The following CNTN6 variants were observed in gnomAD, a reference collection of about 807,000 sequenced individuals.
CNTN6 encodes the protein contactin-6.
In CNTN6, 137 loss-of-function variants were observed where a neutral mutation model predicts 122.8. The ratio of observed to expected loss-of-function variants is 1.12; its 90% CI spans 0.97 to 1.29. The LOEUF (loss-of-function observed/expected upper bound fraction) is 1.29. Among genes scored for constraint, CNTN6 ranks in the 50% most tolerant of loss-of-function variants. The pLI is 0.00. For missense variants in CNTN6, 1,634 were observed against 1,223.4 expected (o/e 1.34, Z -5.01); for synonymous variants, 570 against 426.0 (o/e 1.34, Z -4.16).
At position 1,256,766 on chromosome 3, in the gene CNTN6, T is replaced by A. The variant is rs1172989020; in HGVS notation, c.359-21647T>A. Among the ~76,000 whole-genome samples, 3 of 152,280 alleles carry A rather than the reference T, an allele frequency of 2.0e-5. No individual in the cohort carries two copies. In the East Asian group the frequency reaches 5.8e-4, roughly 29 times the overall value. On this transcript the variant is annotated intron_variant, in intron 4 of 22. Coordinates refer to ENST00000446702, the MANE Select transcript of CNTN6 (RefSeq NM_001289080.2). The stretch of plus-strand genomic sequence containing the variant: ...AATGGCTACATATCATCTGATTATA[T>A]GTCTTTACCATAATTATTCTAAATA...
chr3:1,227,285 T>A (rs893508662), intron 3 of CNTN6, among the ~76,000 whole-genome samples: 3 of 152,238 alleles, frequency 2.0e-5, no homozygotes, highest in African/African-American at 7.2e-5. Flanking sequence ...ATTTTCAACA[T>A]GATTAATTTT....
Position 1,325,830 on chromosome 3 carries a change from A to T in CNTN6, c.962A>T (p.Glu321Val), listed in dbSNP as rs764802845. The change falls in exon 9 of 23, where the codon GAA becomes GTA. Residue 321 changes from glutamate to valine, a missense_variant. Transcript: ENST00000446702. ...QLIFYAPPEW[E>V]QKIQNTHLSI... ...TTTGAAACAGCTCCTCCAGAATGGG[A>T]ACAGAAAATCCAAAATACACACCTC... 1.9e-6 allele frequency: 3 copies of T among 1,610,010 alleles called. No homozygotes were observed. Among genetic ancestry groups the T allele is most frequent in the Admixed American group, 3.4e-5 (2 of 59,438 alleles).
intron 4 of CNTN6, among the ~76,000 whole-genome samples, chr3:1,278,167 A>G (rs559908468): frequency 2.6e-5 from 4 of 152,348 alleles, no homozygotes; most frequent in Admixed American, 6.5e-5. Context: ...GTCTGGAAGA[A>G]TAAAAGCAAA....
chr3:1,193,202 T>C (rs908020342), intron 2 of CNTN6, among the ~76,000 whole-genome samples: 2 of 152,182 alleles, frequency 1.3e-5, no homozygotes, highest in Non-Finnish European at 1.5e-5. Flanking sequence ...TTGTTTTAAA[T>C]AACTTTTACG....
chr3:1,105,525 A>G (rs1360479942), intron 1 of CNTN6, among the ~76,000 whole-genome samples: 2 of 152,204 alleles, frequency 1.3e-5, no homozygotes, highest in Non-Finnish European at 2.9e-5. Context: ...TCAGTTTTCA[A>G]ATGTACACAG....
chr3:1,201,816 G>A lies in CNTN6; in HGVS notation c.56-18871G>A, dbSNP rs1440732311. Among the ~76,000 whole-genome samples, 9 of 151,946 alleles carry A rather than the reference G, an allele frequency of 5.9e-5. No individual in the cohort carries two copies. In the East Asian group the frequency reaches 1.7e-3, roughly 29 times the overall value. ...TTCCATTAAAAATAAAAATTCACAA[G>A]GACAAATTAATAGCATAGAAATTCC... On this transcript the variant is annotated intron_variant, in intron 2 of 22. Coordinates refer to ENST00000446702, the MANE Select transcript of CNTN6 (RefSeq NM_001289080.2).
chr3:1,266,019 TG>T (rs1201994117), intron 4 of CNTN6, among the ~76,000 whole-genome samples: 2 of 150,714 alleles, frequency 1.3e-5, no homozygotes, highest in African/African-American at 5.0e-5. Context: ...AAGTTAAAGG[TG>T]TTTTTTTTTT....
chr3:1,325,589 A>C (rs959970894), intron 8 of CNTN6, among the ~76,000 whole-genome samples: 7 of 151,862 alleles, frequency 4.6e-5, no homozygotes, highest in African/African-American at 1.7e-4. Context: ...GCAAAATGAC[A>C]GATGACAAAC....
intron 4 of CNTN6, among the ~76,000 whole-genome samples, chr3:1,245,277 ACAC>A (rs1424862201): frequency 2.2e-4 from 1 of 4,616 alleles, no homozygotes. Context: ...ATATATATAC[ACAC>A]ACATATATAT....
intron 4 of CNTN6, among the ~76,000 whole-genome samples, chr3:1,229,534 A>T (rs905535865): frequency 1.3e-5 from 2 of 152,104 alleles, no homozygotes; most frequent in East Asian, 3.9e-4. Flanking sequence ...AAATCAATGC[A>T]CTCTTTGATA....
chr3:1,216,443 C>A (rs2094131786), intron 2 of CNTN6, among the ~76,000 whole-genome samples: 1 of 151,906 alleles, frequency 6.6e-6, no homozygotes, highest in Admixed American at 6.6e-5. Context: ...TGTTCCTTTT[C>A]TTTTCAGGCA....
chr3:1,385,478 G>T, intron 19 of CNTN6, 133 bp from the exon 20 acceptor site: 1 of 598,834 alleles, frequency 1.7e-6, no homozygotes, highest in South Asian at 3.6e-5. Context: ...ATTTTAATTA[G>T]AAAACGTTTT....
chr3:1,295,676 A>G lies in CNTN6; in HGVS notation c.530A>G (p.Glu177Gly). ...GACAATAGGCGATTTGTATCTCAAG[A>G]GACGGGAAACTTGTACATTGCCAAA... ...QEDNRRFVSQ[E>G]TGNLYIAKVE... is the part of the protein sequence containing the mutation. Residue 177 changes from glutamate to glycine, a missense_variant, in exon 6 of 23, where the codon GAG becomes GGG. Transcript: ENST00000446702. 6.2e-7 allele frequency: 1 copy of G among 1,614,032 alleles called. No individual in the cohort carries two copies. Among genetic ancestry groups the G allele is most frequent in the Non-Finnish European group, 8.5e-7 (1 of 1,179,946 alleles).
At chr3:1,241,044 TC>T (rs1183168865) in intron 4 of CNTN6, among the ~76,000 whole-genome samples, 1 of 151,926 alleles carries the variant, frequency 6.6e-6, no homozygotes, top group African/African-American at 2.4e-5. Context: ...CAAAGTACCT[TC>T]TTAAGGGTGG....
chr3:1,307,630 G>T (rs580343), intron 7 of CNTN6, among the ~76,000 whole-genome samples: 41,983 of 151,940 alleles, frequency 0.28, 8,939 homozygotes, highest in African/African-American at 0.6. Context: ...ATTCCATCCA[G>T]AATACCATAT....
intron 2 of CNTN6, among the ~76,000 whole-genome samples, chr3:1,166,688 G>A (rs991203923): frequency 7.9e-5 from 12 of 152,222 alleles, no homozygotes; most frequent in East Asian, 1.9e-4. Flanking sequence ...ATACACCACA[G>A]AATACTATGC....
At chr3:1,324,344 G>A (rs746208681) in intron 8 of CNTN6, among the ~76,000 whole-genome samples, 3 of 149,654 alleles carry the variant, frequency 2.0e-5, no homozygotes, top group African/African-American at 5.1e-5. Flanking sequence ...GCACAATTTC[G>A]AATCCTCTCG....
At chr3:1,147,884 T>C in intron 1 of CNTN6, 43 bp from the exon 2 acceptor site, 2 of 628,952 alleles carry the variant, frequency 3.2e-6, no homozygotes, top group East Asian at 5.2e-5. Flanking sequence ...AAAATATTCG[T>C]GTTTGTACGT....
rs1695846475 is a variant in CNTN6 at position 1,402,449 on chromosome 3, A to C, written c.2949A>C (p.Gly983=). Residue 983 remains glycine, a synonymous_variant, in exon 22 of 23, where the codon GGA becomes GGC. Transcript: ENST00000446702. ...EIRTVSDGGD[G]SSSEEIRIPK... Reference sequence around the variant, plus strand: ...GAACAGTCAGTGATGGTGGAGATGGAAGCAGCAGTGAGGAAATTAGGATTC... The same window carrying C: ...GAACAGTCAGTGATGGTGGAGATGGCAGCAGCAGTGAGGAAATTAGGATTC... The C allele has an allele frequency of 6.2e-7, 1 of 1,611,406 alleles. No individual in the cohort carries two copies. The highest frequency in any genetic ancestry group is 2.2e-5 in the East Asian group (1 of 44,816).
Sources: gnomAD v4.1 joint callset for allele counts (sites outside exome capture counted in the v4.1 genomes callset) on GRCh38, gnomAD v4.1.1 for gene constraint, MANE v1.5 for transcripts, NCBI Gene and HGNC (gene_info 2026-07-23, HGNC 2026-07-21) for gene names.